Variants in QKI observed in about 807,000 individuals in gnomAD.
The protein encoded by QKI is QKI, KH domain containing RNA binding.
QKI carries 10 observed loss-of-function variants against 39.0 expected under a neutral mutation model. That is an observed-to-expected ratio of 0.26 (90% CI 0.16 to 0.43). QKI has a LOEUF of 0.43. Among genes scored for constraint, QKI ranks in the 20% least tolerant of loss-of-function variants. The probability of loss-of-function intolerance (pLI) is 1.00; values close to 1 mark genes in which losing one functional copy is unlikely to be tolerated. For synonymous variants in QKI, 204 were observed against 155.4 expected (o/e 1.31, Z -2.33); for missense variants, 218 against 428.0 (o/e 0.51, Z 4.33).
chr6:163,446,350 C>G (rs759881365), intron 1 of QKI, among the ~76,000 whole-genome samples: 1 of 152,102 alleles, frequency 6.6e-6, no homozygotes. Context: ...CTTGGGTACC[C>G]GTTTCCATTG....
At chr6:163,473,553 AT>A (rs1364888007) in intron 2 of QKI, among the ~76,000 whole-genome samples, 2 of 152,232 alleles carry the variant, frequency 1.3e-5, no homozygotes, top group African/African-American at 4.8e-5. Context: ...GAATAAAAAA[AT>A]GAGACATCGT....
chr6:163,472,674 C>T (rs780430818), intron 2 of QKI, among the ~76,000 whole-genome samples: 8 of 152,146 alleles, frequency 5.3e-5, no homozygotes, highest in Non-Finnish European at 1.0e-4. Context: ...ATGGCTATTA[C>T]ATATAACATG....
At chr6:163,561,933 T>A (rs1368104759) in intron 4 of QKI, 49 bp from the exon 5 acceptor site, 7 of 1,405,484 alleles carry the variant, frequency 5.0e-6, no homozygotes, top group African/African-American at 1.4e-5. Context: ...AGCTATTATA[T>A]TTGTGGACAG....
At chr6:163,458,611 T>C (rs1313074018) in intron 2 of QKI, among the ~76,000 whole-genome samples, 1 of 152,158 alleles carries the variant, frequency 6.6e-6, no homozygotes, top group East Asian at 1.9e-4. Context: ...TGTTTTGGAC[T>C]TGGCAGTGCA....
intron 3 of QKI, among the ~76,000 whole-genome samples, chr6:163,521,399 T>C (rs996142314): frequency 3.9e-5 from 6 of 152,296 alleles, no homozygotes; most frequent in African/African-American, 1.2e-4. Flanking sequence ...GATTAACATA[T>C]ATAGACTATT....
At chr6:163,542,715 C>T (rs1223433488) in intron 4 of QKI, among the ~76,000 whole-genome samples, 1 of 151,928 alleles carries the variant, frequency 6.6e-6, no homozygotes, top group Non-Finnish European at 1.5e-5. Context: ...TGTTTGTTTT[C>T]TCTGTATGTT....
intron 1 of QKI, among the ~76,000 whole-genome samples, chr6:163,455,003 T>C (rs1242400146): frequency 6.6e-6 from 1 of 152,186 alleles, no homozygotes; most frequent in East Asian, 1.9e-4. Context: ...AACAAGTCCA[T>C]ATTATACCGG....
intron 2 of QKI, among the ~76,000 whole-genome samples, chr6:163,465,648 A>T (rs1791686082): frequency 6.6e-6 from 1 of 151,626 alleles, no homozygotes; most frequent in African/African-American, 2.4e-5. Flanking sequence ...AAAAAAAGTA[A>T]AAGACACCTA....
chr6:163,567,607 C>T (rs538249040), intron 7 of QKI: 1 of 983,472 alleles, frequency 1.0e-6, no homozygotes, highest in Admixed American at 6.2e-5. Context: ...CCTGTATATG[C>T]CCTTGGACCC....
At position 163,570,716 on chromosome 6, in the gene QKI, G is replaced by T. The variant is rs1783656277; in HGVS notation, c.*6G>T. The T allele has an allele frequency of 6.2e-7, 1 of 1,610,884 alleles. No individual in the cohort carries two copies. The highest frequency in any genetic ancestry group is 1.3e-5 in the African/African-American group (1 of 74,118). ...CAGCCGCCACCGGCAACTAACCTAT[G>T]ACCTTCTGACCTCTGAACTCTTCAC... is the stretch of plus-strand genomic sequence containing the variant. On this transcript the variant is annotated 3_prime_UTR_variant, in exon 8 of 8. Transcript: ENST00000361752.
At chr6:163,427,459 G>T (rs1788502303) in intron 1 of QKI, among the ~76,000 whole-genome samples, 1 of 151,808 alleles carries the variant, frequency 6.6e-6, no homozygotes, top group Non-Finnish European at 1.5e-5. Context: ...TTTTCTGGTT[G>T]ATGACAATTA....
intron 4 of QKI, among the ~76,000 whole-genome samples, chr6:163,546,620 A>C (rs1342117784): frequency 1.3e-5 from 2 of 151,772 alleles, no homozygotes; most frequent in African/African-American, 4.8e-5. Context: ...CTACATTTCA[A>C]ATGTTTTAGT....
At chr6:163,520,058 T>C (rs147591206) in intron 3 of QKI, among the ~76,000 whole-genome samples, 13 of 152,298 alleles carry the variant, frequency 8.5e-5, no homozygotes, top group African/African-American at 2.9e-4. Flanking sequence ...TATCAAAGAC[T>C]GAAGCAAACA....
intron 6 of QKI, chr6:163,564,653 C>A: frequency 1.2e-6 from 2 of 1,613,838 alleles, no homozygotes; most frequent in Non-Finnish European, 1.7e-6. Flanking sequence ...ATTACTGATG[C>A]CTTTTTTTTA....
At chr6:163,504,445 G>A (rs1031829575) in intron 3 of QKI, among the ~76,000 whole-genome samples, 2 of 152,120 alleles carry the variant, frequency 1.3e-5, no homozygotes. Flanking sequence ...AGATTACTTT[G>A]GGCAGTATTG....
At chr6:163,470,240 G>A (rs751200346) in intron 2 of QKI, among the ~76,000 whole-genome samples, 1 of 152,084 alleles carries the variant, frequency 6.6e-6, no homozygotes, top group Non-Finnish European at 1.5e-5. Flanking sequence ...ATTTGTCTAT[G>A]TGAACCTCCC....
In QKI at chr6:163,459,985, AT is replaced by A. The variant is rs1791225694; in HGVS notation, c.285+4568del. On this transcript the variant is annotated intron_variant, in intron 2 of 7. Coordinates refer to ENST00000361752, the MANE Select transcript of QKI (RefSeq NM_006775.3). ...GATTTATTTAAGTAAAAAGTGTTATATTTTGAATGAGTCAGTAATAATTTTG... is the reference window on the plus strand; with the variant it reads ...GATTTATTTAAGTAAAAAGTGTTATATTTGAATGAGTCAGTAATAATTTTG... Among the ~76,000 whole-genome samples the A allele has an allele frequency of 2.6e-5, 4 of 152,220 alleles. No homozygotes were observed. In the South Asian group the frequency reaches 8.3e-4, roughly 32 times the overall value.
chr6:163,445,856 C>T (rs1370057933), intron 1 of QKI, among the ~76,000 whole-genome samples: 11 of 152,158 alleles, frequency 7.2e-5, no homozygotes, highest in Admixed American at 5.9e-4. Context: ...CCTCCTCATC[C>T]GTCCACCTCG....
intron 3 of QKI, among the ~76,000 whole-genome samples, chr6:163,507,335 A>C (rs1158309708): frequency 6.6e-6 from 1 of 152,218 alleles, no homozygotes; most frequent in Non-Finnish European, 1.5e-5. Flanking sequence ...TGTCATACTT[A>C]ATCCCCTGCA....
Sources: allele counts gnomAD v4.1 joint callset (sites outside exome capture counted in the v4.1 genomes callset), GRCh38; gene constraint gnomAD v4.1.1; transcripts MANE v1.5; gene names NCBI Gene and HGNC (gene_info 2026-07-23, HGNC 2026-07-21).